Variants in CERS3 observed in about 807,000 individuals in gnomAD.
The protein encoded by CERS3 is ceramide synthase 3.
In CERS3, 33 loss-of-function variants were observed where a neutral mutation model predicts 50.3. That is an observed-to-expected ratio of 0.66 (90% confidence interval 0.50 to 0.88). The LOEUF (loss-of-function observed/expected upper bound fraction) is 0.88. Among genes scored for constraint, CERS3 ranks in the 40% least tolerant of loss-of-function variants. CERS3 has a pLI of 0.00. For synonymous variants in CERS3, 176 were observed against 155.2 expected (o/e 1.13, Z -0.99); for missense variants, 470 against 460.3 (o/e 1.02, Z -0.19).
chr15:100,461,888 C>T (rs1298924967), intron 10 of CERS3, among the ~76,000 whole-genome samples: 1 of 152,156 alleles, frequency 6.6e-6, no homozygotes, highest in Non-Finnish European at 1.5e-5. Flanking sequence ...GGGTAACAAC[C>T]AGCTATGATG....
At chr15:100,501,628 G>T in intron 3 of CERS3, 49 bp downstream of exon 3, 1 of 1,480,956 alleles carries the variant, frequency 6.8e-7, no homozygotes, top group Non-Finnish European at 9.4e-7. Context: ...TTATTCTAGT[G>T]TTAGAGCAAA....
chr15:100,481,166 G>T (rs1423468188), intron 5 of CERS3, among the ~76,000 whole-genome samples: 1 of 152,114 alleles, frequency 6.6e-6, no homozygotes, highest in East Asian at 1.9e-4. Flanking sequence ...ATCAGAATCA[G>T]AAAAATGAAG....
chr15:100,489,064 T>G (rs560548799), intron 4 of CERS3, among the ~76,000 whole-genome samples: 2 of 152,364 alleles, frequency 1.3e-5, no homozygotes, highest in South Asian at 4.1e-4. Context: ...CGTAAGCCAC[T>G]GCGCCCAGCC....
intron 11 of CERS3, among the ~76,000 whole-genome samples, chr15:100,404,150 T>G (rs2030791116): frequency 6.6e-6 from 1 of 152,190 alleles, no homozygotes; most frequent in Non-Finnish European, 1.5e-5. Context: ...GCTCCTCTAG[T>G]GCTTCTGAAA....
At chr15:100,535,053 C>T (rs569031880) in intron 1 of CERS3, among the ~76,000 whole-genome samples, 1 of 152,174 alleles carries the variant, frequency 6.6e-6, no homozygotes, top group Non-Finnish European at 1.5e-5. Flanking sequence ...TAAAACCAAG[C>T]TGTGCCCCTA....
At chr15:100,417,549 C>G (rs2032037986) in intron 11 of CERS3, among the ~76,000 whole-genome samples, 1 of 151,958 alleles carries the variant, frequency 6.6e-6, no homozygotes, top group Non-Finnish European at 1.5e-5. Flanking sequence ...AATAAAGCAG[C>G]CTGGAAGCTC....
At chr15:100,449,098 C>T (rs528249985) in intron 11 of CERS3, among the ~76,000 whole-genome samples, 8 of 152,316 alleles carry the variant, frequency 5.3e-5, no homozygotes, top group East Asian at 1.9e-4. Flanking sequence ...CCTGGTTCCA[C>T]ACTCCCTCCC....
chr15:100,483,847 C>T, intron 5 of CERS3, among the ~76,000 whole-genome samples: 1 of 138,002 alleles, frequency 7.2e-6, no homozygotes. Context: ...GTGGCGGGAT[C>T]TCGGCTCACT....
intron 10 of CERS3, among the ~76,000 whole-genome samples, chr15:100,463,947 C>T (rs751434166): frequency 6.6e-6 from 1 of 152,216 alleles, no homozygotes; most frequent in Non-Finnish European, 1.5e-5. Flanking sequence ...TGATGAACAT[C>T]AGCTAAGAGC....
At chr15:100,490,723 G>C in intron 4 of CERS3, 94 bp downstream of exon 4, 2 of 750,858 alleles carry the variant, frequency 2.7e-6, no homozygotes, top group Non-Finnish European at 4.6e-6. Flanking sequence ...TGGTCAACTA[G>C]AATAGATTTC....
chr15:100,477,869 C>A (rs1374577264), intron 7 of CERS3, among the ~76,000 whole-genome samples: 1 of 152,154 alleles, frequency 6.6e-6, no homozygotes, highest in Non-Finnish European at 1.5e-5. Context: ...ATATACTTGC[C>A]TTCACAAAGA....
rs531914987 is a variant in CERS3 at position 100,461,432 on chromosome 15, A to C, written c.846-5386T>G. ...TTGGCGCTGGAGTCTTCAAGATTTC[A>C]ATCAGGGCTCCCAGGATCTTAGCAA... is the stretch of plus-strand genomic sequence containing the variant. On this transcript the variant is annotated intron_variant, in intron 10 of 11. Transcript: ENST00000679737. Among the ~76,000 whole-genome samples the C allele has an allele frequency of 1.4e-4, 21 of 152,316 alleles. No homozygotes were observed. In the East Asian group the frequency reaches 4.1e-3, roughly 29 times the overall value.
chr15:100,422,949 G>A (rs577033313), intron 11 of CERS3, among the ~76,000 whole-genome samples: 1 of 121,304 alleles, frequency 8.2e-6, no homozygotes. Context: ...GTGGGGGGGA[G>A]GGGGGAGGGA....
intron 4 of CERS3, among the ~76,000 whole-genome samples, chr15:100,488,726 C>T (rs1257505287): frequency 6.6e-6 from 1 of 151,792 alleles, no homozygotes; most frequent in Non-Finnish European, 1.5e-5. Context: ...ATCTTATATT[C>T]CTTCACCTTT....
At chr15:100,517,524 A>T (rs1482557562) in intron 2 of CERS3, among the ~76,000 whole-genome samples, 1 of 152,204 alleles carries the variant, frequency 6.6e-6, no homozygotes, top group African/African-American at 2.4e-5. Context: ...GAATCATTTT[A>T]TGAAAAAGAG....
At chr15:100,434,133 AG>A (rs534970640) in intron 11 of CERS3, among the ~76,000 whole-genome samples, 3 of 152,358 alleles carry the variant, frequency 2.0e-5, no homozygotes, top group Middle Eastern at 3.4e-3. Flanking sequence ...CCATGTTTCC[AG>A]GCTCAGACTG....
chr15:100,431,685 A>G (rs2033141775), intron 11 of CERS3, among the ~76,000 whole-genome samples: 2 of 152,176 alleles, frequency 1.3e-5, no homozygotes, highest in African/African-American at 4.8e-5. Flanking sequence ...AATCTTGTAG[A>G]TCTCAGCCTA....
At chr15:100,429,414 G>T (rs2587817) in intron 11 of CERS3, among the ~76,000 whole-genome samples, 1 of 151,878 alleles carries the variant, frequency 6.6e-6, no homozygotes, top group South Asian at 2.1e-4. Flanking sequence ...GGTTTGAAAG[G>T]GACCTTTAAG....
intron 11 of CERS3, chr15:100,408,508 T>C (rs1464273066): frequency 2.0e-5 from 3 of 152,182 alleles, no homozygotes; most frequent in Non-Finnish European, 4.4e-5. Context: ...TGTGGAATTA[T>C]GTTGTTTTTT....
Sources: gnomAD v4.1 joint callset for allele counts (sites outside exome capture counted in the v4.1 genomes callset) on GRCh38, gnomAD v4.1.1 for gene constraint, MANE v1.5 for transcripts, NCBI Gene and HGNC (gene_info 2026-07-23, HGNC 2026-07-21) for gene names.